The following RPS6KA3 variants were observed in gnomAD, a reference collection of about 807,000 sequenced individuals.
The protein encoded by RPS6KA3 is ribosomal protein S6 kinase A3.
Under a neutral mutation model 67.2 loss-of-function variants are expected in RPS6KA3, and 4 were observed. That is an observed-to-expected ratio of 0.06 (90% CI 0.03 to 0.14). The LOEUF (loss-of-function observed/expected upper bound fraction) is 0.14. RPS6KA3 is among the 10% of genes least tolerant of loss of function. RPS6KA3 has a pLI of 1.00. For missense variants in RPS6KA3, 204 were observed against 559.0 expected, an observed-to-expected ratio of 0.36 and a Z score of 6.40; for synonymous variants, 182 against 183.7, an observed-to-expected ratio of 0.99 and a Z score of 0.07.
Position 20,153,573 on chromosome X carries a change from G to A in RPS6KA3, c.*1825C>T, listed in dbSNP as rs1391117573. On this transcript the variant is annotated 3_prime_UTR_variant, in exon 22 of 22. Coordinates refer to ENST00000379565, the MANE Select transcript of RPS6KA3 (RefSeq NM_004586.3). ...AGGAAAAAAGGTTTCTGATATAAATGGCTTATTACATGATGACTAACAAAA... is the reference window on the plus strand; with the variant it reads ...AGGAAAAAAGGTTTCTGATATAAATAGCTTATTACATGATGACTAACAAAA... The A allele has an allele frequency of 2.7e-5, 3 of 110,611 alleles. No individual in the cohort carries two copies. Among genetic ancestry groups the A allele is most frequent in the Non-Finnish European group, 5.7e-5 (3 of 52,838 alleles). 9.1% of individuals were successfully genotyped at this position (110,611 alleles called of 1,213,427 possible). A position where few individuals can be genotyped will look rare whatever the true frequency, so the allele number is the denominator to read the frequency against.
chrX:20,203,817 T>TA (rs1296815070), intron 4 of RPS6KA3: 2 of 392,738 alleles, frequency 5.1e-6, no homozygotes, highest in Non-Finnish European at 8.9e-6. Flanking sequence ...TAATACGTCT[T>TA]TTATAACGTG....
intron 2 of RPS6KA3, among the ~76,000 whole-genome samples, chrX:20,225,251 T>G (rs776743093): frequency 7.4e-5 from 7 of 94,643 alleles, no homozygotes; most frequent in Non-Finnish European, 1.3e-4. Flanking sequence ...TTGTTTTTTT[T>G]TTTGTTTTTT....
intron 10 of RPS6KA3, among the ~76,000 whole-genome samples, chrX:20,184,401 T>C (rs59101486): frequency 0.038 from 3,921 of 103,569 alleles, 193 homozygotes; most frequent in African/African-American, 0.13. Flanking sequence ...ACTTTTCTTT[T>C]TTTTTTTTTT....
chrX:20,172,930 AGG>A, intron 14 of RPS6KA3, 59 bp from the exon 15 acceptor site: 1 of 1,058,208 alleles, frequency 9.4e-7, no homozygotes, highest in Non-Finnish European at 1.3e-6. Context: ...ATTTTATAAT[AGG>A]GAAGTATGTT....
chrX:20,264,032 A>G (rs1184981863), intron 1 of RPS6KA3, among the ~76,000 whole-genome samples: 1 of 112,387 alleles, frequency 8.9e-6, no homozygotes, highest in Non-Finnish European at 1.9e-5. Context: ...AGGAAACGGT[A>G]TAATAGTGAA....
chrX:20,218,971 C>T, intron 2 of RPS6KA3: 1 of 470,367 alleles, frequency 2.1e-6, no homozygotes, highest in East Asian at 3.9e-5. Flanking sequence ...TCAGGCGGGT[C>T]CTGAAAATGC....
chrX:20,231,237 C>CATA (rs780635524), intron 2 of RPS6KA3, among the ~76,000 whole-genome samples: 2 of 111,717 alleles, frequency 1.8e-5, no homozygotes, highest in South Asian at 7.4e-4. Flanking sequence ...GGATTACAGG[C>CATA]ATAAGCCAAC....
chrX:20,184,154 T>C (rs901893700), intron 10 of RPS6KA3, among the ~76,000 whole-genome samples: 1 of 111,585 alleles, frequency 9.0e-6, no homozygotes, highest in Non-Finnish European at 1.9e-5. Flanking sequence ...GTTCAAGTGA[T>C]TCTCCTGCCT....
At chrX:20,214,175 CT>C (rs1261749499) in intron 2 of RPS6KA3, among the ~76,000 whole-genome samples, 1 of 111,637 alleles carries the variant, frequency 9.0e-6, no homozygotes, top group African/African-American at 3.3e-5. Flanking sequence ...GGAGACCTCT[CT>C]TACCCTCCCA....
intron 1 of RPS6KA3, among the ~76,000 whole-genome samples, chrX:20,263,940 T>A (rs1388337066): frequency 9.0e-6 from 1 of 111,491 alleles, no homozygotes; most frequent in Non-Finnish European, 1.9e-5. Context: ...AATATTTTGA[T>A]GTATTCACTC....
chrX:20,241,602 G>A (rs898948173), intron 1 of RPS6KA3: 2 of 108,085 alleles, frequency 1.9e-5, no homozygotes, highest in East Asian at 2.9e-4. Flanking sequence ...CCTGAGACTG[G>A]AGACTGAGAA....
intron 6 of RPS6KA3, 79 bp downstream of exon 6, chrX:20,194,110 C>G: frequency 3.2e-6 from 2 of 634,360 alleles, no homozygotes; most frequent in Non-Finnish European, 5.2e-6. Context: ...ATACAGTAAG[C>G]ATAATACTGA....
At chrX:20,259,751 A>G (rs2070173877) in intron 1 of RPS6KA3, among the ~76,000 whole-genome samples, 1 of 111,737 alleles carries the variant, frequency 8.9e-6, no homozygotes, top group African/African-American at 3.3e-5. Flanking sequence ...GATTCATTGT[A>G]TACAACATCT....
rs142718620 is a variant in RPS6KA3, at chrX:20,203,812, C to T, written c.325+210G>A. Reference sequence around the variant, plus strand: ...TAAAACTCAATATGAATTTATAATACGTCTTTTATAACGTGGCAACTCTGG... The same window carrying T: ...TAAAACTCAATATGAATTTATAATATGTCTTTTATAACGTGGCAACTCTGG... On this transcript the variant is annotated intron_variant, in intron 4 of 21. Transcript: ENST00000379565. 8.3e-4 allele frequency: 314 copies of T among 377,806 alleles called. 1 individual carries two copies. In the East Asian group the frequency reaches 0.011, roughly 13 times the overall value. The allele number at this position is 377,806 out of a possible 1,213,427, so 31.1% of individuals were successfully genotyped here.
At chrX:20,192,036 G>T (rs1036070950) in intron 7 of RPS6KA3, among the ~76,000 whole-genome samples, 1 of 111,460 alleles carries the variant, frequency 9.0e-6, no homozygotes, top group Admixed American at 9.5e-5. Context: ...GAAGTGCTGG[G>T]ATTACAGGTG....
At chrX:20,184,397 CTTT>C (rs1176222205) in intron 10 of RPS6KA3, among the ~76,000 whole-genome samples, 3 of 86,442 alleles carry the variant, frequency 3.5e-5, no homozygotes, top group African/African-American at 4.1e-5. Flanking sequence ...CATTACTTTT[CTTT>C]TTTTTTTTTT....
At chrX:20,209,248 G>T in intron 3 of RPS6KA3, 40 bp downstream of exon 3, 1 of 752,838 alleles carries the variant, frequency 1.3e-6, no homozygotes, top group Non-Finnish European at 2.1e-6. Context: ...CATATGAATT[G>T]AAAAGACAAC....
chrX:20,225,231 T>TTTTTTTTTTTTG (rs1285678633), intron 2 of RPS6KA3, among the ~76,000 whole-genome samples: 2 of 82,126 alleles, frequency 2.4e-5, no homozygotes, highest in East Asian at 3.2e-4. Flanking sequence ...AAAGGGGAGG[T>TTTTTTTTTTTTG]TTTTTTTTTT....
intron 20 of RPS6KA3, among the ~76,000 whole-genome samples, chrX:20,161,309 T>A (rs2067299275): frequency 8.9e-6 from 1 of 111,803 alleles, no homozygotes; most frequent in African/African-American, 3.3e-5. Context: ...TACTGCCACC[T>A]ATTTCACAGG....
Sources: allele counts gnomAD v4.1 joint callset (sites outside exome capture counted in the v4.1 genomes callset), GRCh38; gene constraint gnomAD v4.1.1; transcripts MANE v1.5; gene names NCBI Gene and HGNC (gene_info 2026-07-23, HGNC 2026-07-21).